Variants in ILRUN observed in about 807,000 individuals in gnomAD.
ILRUN encodes the protein inflammation and lipid regulator with UBA-like and NBR1-like domains.
In ILRUN, 3 loss-of-function variants were observed where a neutral mutation model predicts 33.8. The observed-to-expected ratio is 0.09, with a 90% CI of 0.04 to 0.23. The LOEUF is 0.23. ILRUN is among the 10% of genes least tolerant of loss of function. The pLI, the probability that ILRUN is intolerant of heterozygous loss-of-function variation, is 1.00. For missense variants in ILRUN, 210 were observed against 375.1 expected (o/e 0.56, Z 3.64); for synonymous variants, 124 against 138.9 (o/e 0.89, Z 0.75).
intron 3 of ILRUN, among the ~76,000 whole-genome samples, chr6:34,612,425 T>C (rs981081513): frequency 6.6e-6 from 1 of 151,086 alleles, no homozygotes; most frequent in Non-Finnish European, 1.5e-5. Flanking sequence ...AAAATAATAA[T>C]AATAAAAATA....
In ILRUN at chr6:34,691,745, A is replaced by G. The variant is rs1261999325; in HGVS notation, c.158+4701T>C. On this transcript the variant is annotated intron_variant, in intron 1 of 4. Transcript: ENST00000374023. Reference sequence around the variant, plus strand: ...CGGGAGGCAGAGGTTGCAGTGAGCCAAGATCGCACCACTGCACTCCGGCCT... The same window carrying G: ...CGGGAGGCAGAGGTTGCAGTGAGCCGAGATCGCACCACTGCACTCCGGCCT... Among the ~76,000 whole-genome samples the G allele has an allele frequency of 1.4e-3, 215 of 152,100 alleles. 1 individual carries two copies. The highest frequency in any genetic ancestry group is 5.0e-3 in the African/African-American group (208 of 41,442).
At position 34,588,248 on chromosome 6, in the gene ILRUN, G is replaced by C. The variant is rs1384306486; in HGVS notation, c.*2317C>G. 2.5e-6 allele frequency: 1 copy of C among 398,638 alleles called. No homozygotes were observed. Among genetic ancestry groups the C allele is most frequent in the African/African-American group, 2.1e-5 (1 of 48,646 alleles). The allele number at this position is 398,638 out of a possible 1,614,324, so 24.7% of individuals were successfully genotyped here. On this transcript the variant is annotated 3_prime_UTR_variant, in exon 5 of 5. Transcript: ENST00000374023. ...TCTTGGGAAGGGAGACAAGGTGCTT[G>C]GGACATTTAACTTGCCAAGTGTGGT...
chr6:34,612,869 C>T (rs1427637139), intron 3 of ILRUN, among the ~76,000 whole-genome samples: 1 of 152,230 alleles, frequency 6.6e-6, no homozygotes, highest in South Asian at 2.1e-4. Context: ...GGTGAAACCC[C>T]ATCTCTACTA....
chr6:34,683,427 TAC>T (rs1421275765), intron 1 of ILRUN, among the ~76,000 whole-genome samples: 4 of 67,424 alleles, frequency 5.9e-5, no homozygotes, highest in Admixed American at 3.5e-4. Context: ...TACATATATA[TAC>T]ATATATATAT....
chr6:34,630,524 C>T (rs1762224920), intron 3 of ILRUN, among the ~76,000 whole-genome samples: 1 of 152,138 alleles, frequency 6.6e-6, no homozygotes, highest in African/African-American at 2.4e-5. Context: ...GCTGGGTCTA[C>T]AGGCACGTAC....
intron 1 of ILRUN, among the ~76,000 whole-genome samples, chr6:34,688,382 A>T (rs1763572274): frequency 6.7e-6 from 1 of 148,580 alleles, no homozygotes; most frequent in Admixed American, 6.7e-5. Flanking sequence ...CAGCCTGGGC[A>T]ACAGAATGAG....
At position 34,612,965 on chromosome 6, in the gene ILRUN, C is replaced by G. The variant is rs527564514; in HGVS notation, c.512-6061G>C. On this transcript the variant is annotated intron_variant, in intron 3 of 4. Transcript: ENST00000374023. ...GGCTGAGGCAGGAGAATGGCGTGAACCCGGGAGGCGGAGCTTGCAGTGAGC... is the reference window on the plus strand; with the variant it reads ...GGCTGAGGCAGGAGAATGGCGTGAAGCCGGGAGGCGGAGCTTGCAGTGAGC... 3.3e-5 allele frequency among the ~76,000 whole-genome samples: 5 copies of G among 152,148 alleles called. No individual in the cohort carries two copies. In the East Asian group the frequency reaches 9.7e-4, roughly 29 times the overall value.
chr6:34,590,313 C>T lies in ILRUN; in HGVS notation c.*252G>A, dbSNP rs1182102220. 3 of 344,318 alleles carry T rather than the reference C, an allele frequency of 8.7e-6. No homozygotes were observed. Among genetic ancestry groups the T allele is most frequent in the Non-Finnish European group, 1.1e-5 (2 of 188,532 alleles). 21.3% of individuals were successfully genotyped at this position (344,318 alleles called of 1,614,324 possible). On this transcript the variant is annotated 3_prime_UTR_variant, in exon 5 of 5. Transcript: ENST00000374023. Reference sequence around the variant, plus strand: ...TGACTTGTTAGACTGATGCCTATAACAAAACCCAAAGTGGCTGCATGGATT... The same window carrying T: ...TGACTTGTTAGACTGATGCCTATAATAAAACCCAAAGTGGCTGCATGGATT...
In ILRUN at chr6:34,676,484, G is replaced by GA. The variant is rs535155041; in HGVS notation, c.158+19961_158+19962insT. ...GCTAGCTAGCTAGCTAGCTAGATAG[G>GA]TAGATATGCAAAGATAGAGAGAGAG... On this transcript the variant is annotated intron_variant, in intron 1 of 4. Coordinates refer to ENST00000374023, the MANE Select transcript of ILRUN (RefSeq NM_024294.4). 7.2e-3 allele frequency among the ~76,000 whole-genome samples: 1,085 copies of GA among 149,764 alleles called. 31 individuals carry two copies. Among genetic ancestry groups the GA allele is most frequent in the African/African-American group, 0.025 (1,027 of 40,566 alleles).
In ILRUN at chr6:34,655,890, T is replaced by A. The variant is rs576024456; in HGVS notation, c.159-1111A>T. On this transcript the variant is annotated intron_variant, in intron 1 of 4. Coordinates refer to ENST00000374023, the MANE Select transcript of ILRUN (RefSeq NM_024294.4). ...CTCCCATCTAATAGGTTAAAAAAAA[T>A]ATATCTCAGTGAGATCTTGAGAGGC... 7.0e-4 allele frequency among the ~76,000 whole-genome samples: 107 copies of A among 152,200 alleles called. 1 individual carries two copies. Among genetic ancestry groups the A allele is most frequent in the Non-Finnish European group, 1.3e-3 (86 of 68,016 alleles).
At chr6:34,686,641 T>A (rs1425091755) in intron 1 of ILRUN, 7 of 211,164 alleles carry the variant, frequency 3.3e-5, no homozygotes, top group Non-Finnish European at 6.0e-5. Context: ...CTATAAGAAG[T>A]ATGGCAAACA....
rs181492895 is a variant in ILRUN, at chr6:34,592,497, A to G, written c.862-1897T>C. On this transcript the variant is annotated intron_variant, in intron 4 of 4. Coordinates refer to ENST00000374023, the MANE Select transcript of ILRUN (RefSeq NM_024294.4). The surrounding 1 kb of genome is among the most constrained non-coding windows in gnomAD (Gnocchi z 4.0). ...GGGCAGCAAAGGGCTCTCAGATTCC[A>G]TTTTGCAAGTCCTGGTAGGGGGGGT... Among the ~76,000 whole-genome samples, 431 of 152,340 alleles carry G rather than the reference A, an allele frequency of 2.8e-3. 3 individuals carry two copies. The highest frequency in any genetic ancestry group is 9.9e-3 in the African/African-American group (413 of 41,556).
chr6:34,588,144 C>T lies in ILRUN; in HGVS notation c.*2421G>A, dbSNP rs1180972277. 2.0e-5 allele frequency: 8 copies of T among 398,952 alleles called. No individual in the cohort carries two copies. The highest frequency in any genetic ancestry group is 3.1e-5 in the Non-Finnish European group (7 of 226,302). 24.7% of individuals were successfully genotyped at this position (398,952 alleles called of 1,614,324 possible). On this transcript the variant is annotated 3_prime_UTR_variant, in exon 5 of 5. Transcript: ENST00000374023. ...GGGAAGCCATGGACCCCTCTGCCTG[C>T]ACTCCATGACTTGCACTTACTCTGG...
intron 4 of ILRUN, among the ~76,000 whole-genome samples, chr6:34,597,495 T>C (rs1222246582): frequency 6.6e-6 from 1 of 152,202 alleles, no homozygotes; most frequent in Non-Finnish European, 1.5e-5. Context: ...TCCAGCTTTC[T>C]CTCAGAATTT....
intron 4 of ILRUN, among the ~76,000 whole-genome samples, chr6:34,597,864 C>T (rs557603801): frequency 2.4e-4 from 37 of 152,290 alleles, no homozygotes; most frequent in Non-Finnish European, 4.6e-4. Flanking sequence ...GTGGTTGCCT[C>T]TGAGCCTTCC....
intron 1 of ILRUN, among the ~76,000 whole-genome samples, chr6:34,669,722 T>C (rs913784339): frequency 5.3e-5 from 8 of 152,202 alleles, no homozygotes; most frequent in Non-Finnish European, 1.2e-4. Flanking sequence ...GATACAAAAC[T>C]AATTAACATA....
At chr6:34,609,774 T>C (rs951691500) in intron 3 of ILRUN, among the ~76,000 whole-genome samples, 15 of 152,180 alleles carry the variant, frequency 9.9e-5, no homozygotes, top group African/African-American at 3.4e-4. Flanking sequence ...TAGCAATTTC[T>C]TTCTCCTCTA....
chr6:34,653,145 A>AAAG (rs1462769256), intron 2 of ILRUN, among the ~76,000 whole-genome samples: 2 of 146,346 alleles, frequency 1.4e-5, no homozygotes, highest in African/African-American at 5.1e-5. Flanking sequence ...AAAAAAAAAA[A>AAAG]AAAAAAGAAA....
intron 3 of ILRUN, chr6:34,616,688 A>G (rs1425483987): frequency 3.2e-6 from 3 of 932,882 alleles, no homozygotes; most frequent in Non-Finnish European, 5.1e-6. Context: ...TATCTATCAC[A>G]AGGAATATAA....
Sources: allele counts gnomAD v4.1 joint callset (sites outside exome capture counted in the v4.1 genomes callset), GRCh38; gene constraint gnomAD v4.1.1; non-coding constraint Gnocchi (gnomAD v3.1); transcripts MANE v1.5; gene names NCBI Gene and HGNC (gene_info 2026-07-23, HGNC 2026-07-21).